The following CDH10 variants were observed in gnomAD, a reference collection of about 807,000 sequenced individuals.
CDH10 encodes the protein cadherin 10.
Under a neutral mutation model 73.1 loss-of-function variants are expected in CDH10, and 30 were observed. That is an observed-to-expected ratio of 0.41 (90% confidence interval 0.31 to 0.56). The LOEUF (loss-of-function observed/expected upper bound fraction) is 0.56. Ranked by LOEUF, CDH10 falls within the 20% of genes least tolerant of loss-of-function variation. The probability of loss-of-function intolerance (pLI) is 0.27; values close to 1 mark genes in which losing one functional copy is unlikely to be tolerated. For synonymous variants in CDH10, 345 were observed against 348.2 expected (o/e 0.99, Z 0.10); for missense variants, 815 against 973.7 (o/e 0.84, Z 2.17).
At chr5:24,599,843 T>G (rs1307040570) in intron 1 of CDH10, among the ~76,000 whole-genome samples, 1 of 152,080 alleles carries the variant, frequency 6.6e-6, no homozygotes, top group African/African-American at 2.4e-5. Flanking sequence ...CAGCACTAAT[T>G]TTTGACTCTA....
chr5:24,614,414 T>C (rs763812877), intron 1 of CDH10, among the ~76,000 whole-genome samples: 1 of 152,206 alleles, frequency 6.6e-6, no homozygotes, highest in Non-Finnish European at 1.5e-5. Flanking sequence ...TCCCTCCTGA[T>C]CCAATGTTAC....
In CDH10 at chr5:24,491,573, T is replaced by C; in HGVS notation, c.1876+3A>G. 1 of 1,608,324 alleles carries C rather than the reference T, an allele frequency of 6.2e-7. No individual in the cohort carries two copies. Among genetic ancestry groups the C allele is most frequent in the Non-Finnish European group, 8.5e-7 (1 of 1,176,244 alleles). ...TGCTCCCATTGTTTTTAAGGTTTCTTACCCAGTAGAATGATGATGCAGAGG... is the reference window on the plus strand; with the variant it reads ...TGCTCCCATTGTTTTTAAGGTTTCTCACCCAGTAGAATGATGATGCAGAGG... On this transcript the variant is annotated splice_donor_region_variant and intron_variant, in intron 11 of 11. Coordinates refer to ENST00000264463, the MANE Select transcript of CDH10 (RefSeq NM_006727.5).
intron 2 of CDH10, among the ~76,000 whole-genome samples, chr5:24,577,064 G>A (rs112227569): frequency 0.013 from 1,136 of 90,512 alleles, 21 homozygotes; most frequent in African/African-American, 0.042. Context: ...ACACCTCAAC[G>A]TCAAAGTTAT....
intron 1 of CDH10, among the ~76,000 whole-genome samples, chr5:24,619,378 A>G (rs188838732): frequency 6.6e-6 from 1 of 152,074 alleles, no homozygotes; most frequent in South Asian, 2.1e-4. Flanking sequence ...TATTTTTAGT[A>G]GAGACGAGGT....
At chr5:24,642,873 A>T (rs927007667) in intron 1 of CDH10, among the ~76,000 whole-genome samples, 3 of 151,820 alleles carry the variant, frequency 2.0e-5, no homozygotes, top group Admixed American at 2.0e-4. Context: ...GGGAAGGCGT[A>T]TGCATTCACC....
At chr5:24,600,262 A>G (rs1282338913) in intron 1 of CDH10, among the ~76,000 whole-genome samples, 1 of 152,200 alleles carries the variant, frequency 6.6e-6, no homozygotes, top group African/African-American at 2.4e-5. Flanking sequence ...AATACAGTGA[A>G]CACCTCAGTG....
intron 2 of CDH10, among the ~76,000 whole-genome samples, chr5:24,549,538 C>T (rs1041413089): frequency 6.9e-6 from 1 of 145,364 alleles, no homozygotes; most frequent in Non-Finnish European, 1.5e-5. Context: ...GAAGCCAATA[C>T]ACAATGGAAT....
At chr5:24,559,157 A>C (rs1744870002) in intron 2 of CDH10, among the ~76,000 whole-genome samples, 1 of 151,882 alleles carries the variant, frequency 6.6e-6, no homozygotes, top group Admixed American at 6.6e-5. Flanking sequence ...AATAGGTATT[A>C]TAGGAATTAT....
chr5:24,581,061 G>T (rs1215962553), intron 2 of CDH10, among the ~76,000 whole-genome samples: 4 of 152,146 alleles, frequency 2.6e-5, no homozygotes, highest in Non-Finnish European at 5.9e-5. Context: ...GACATTTGAA[G>T]TGACATGCTC....
At position 24,553,566 on chromosome 5, in the gene CDH10, A is replaced by C. The variant is rs561906002; in HGVS notation, c.232-15892T>G. 2.0e-5 allele frequency among the ~76,000 whole-genome samples: 3 copies of C among 152,006 alleles called. No homozygotes were observed. The South Asian group carries it at 6.2e-4, about 32-fold the overall frequency. ...CTCCAAGCCCTCTATTGAAATTTTT[A>C]TGATTTGTACAAAATTTTAATTTCC... On this transcript the variant is annotated intron_variant, in intron 2 of 11. Transcript: ENST00000264463.
intron 2 of CDH10, among the ~76,000 whole-genome samples, chr5:24,587,348 T>G (rs898933770): frequency 6.6e-6 from 1 of 152,210 alleles, no homozygotes; most frequent in Non-Finnish European, 1.5e-5. Flanking sequence ...TTTCATTTAC[T>G]TTATAGAAAA....
intron 2 of CDH10, among the ~76,000 whole-genome samples, chr5:24,587,001 T>C (rs1013244714): frequency 4.6e-5 from 7 of 151,510 alleles, no homozygotes; most frequent in South Asian, 4.2e-4. Flanking sequence ...CCCGCCACCG[T>C]GCCCGGCTAA....
intron 2 of CDH10, among the ~76,000 whole-genome samples, chr5:24,590,586 T>C (rs1239266618): frequency 6.6e-6 from 1 of 152,052 alleles, no homozygotes; most frequent in Non-Finnish European, 1.5e-5. Flanking sequence ...TTTAACCCAA[T>C]GAGCAGTAAT....
chr5:24,570,830 A>T (rs1425980830), intron 2 of CDH10, among the ~76,000 whole-genome samples: 1 of 152,032 alleles, frequency 6.6e-6, no homozygotes, highest in Non-Finnish European at 1.5e-5. Context: ...CATAGAAATA[A>T]GCTCGTTTTG....
chr5:24,539,033 G>C (rs1744061413), intron 2 of CDH10, among the ~76,000 whole-genome samples: 1 of 151,942 alleles, frequency 6.6e-6, no homozygotes, highest in Admixed American at 6.6e-5. Flanking sequence ...TAAAACTGTA[G>C]ATCTTAATTT....
chr5:24,517,158 A>G (rs74341271), intron 5 of CDH10, among the ~76,000 whole-genome samples: 1,667 of 152,254 alleles, frequency 0.011, 37 homozygotes, highest in African/African-American at 0.038. Flanking sequence ...GAATAAAATG[A>G]AAGTATTTAC....
intron 2 of CDH10, among the ~76,000 whole-genome samples, chr5:24,555,124 T>C (rs1357966895): frequency 6.6e-6 from 1 of 152,176 alleles, no homozygotes; most frequent in Admixed American, 6.6e-5. Flanking sequence ...TATGATTTAA[T>C]TTTTCTAATG....
intron 2 of CDH10, among the ~76,000 whole-genome samples, chr5:24,567,848 A>C (rs76984922): frequency 0.013 from 1,915 of 152,228 alleles, 44 homozygotes; most frequent in African/African-American, 0.044. Flanking sequence ...TTAAATAAGC[A>C]AATAAGTAGT....
chr5:24,633,147 C>A (rs2112201387), intron 1 of CDH10, among the ~76,000 whole-genome samples: 1 of 151,638 alleles, frequency 6.6e-6, no homozygotes, highest in South Asian at 2.1e-4. Flanking sequence ...ACCACATAAG[C>A]AATCAATGAC....
Sources: allele counts gnomAD v4.1 joint callset (sites outside exome capture counted in the v4.1 genomes callset), GRCh38; gene constraint gnomAD v4.1.1; transcripts MANE v1.5; gene names NCBI Gene and HGNC (gene_info 2026-07-23, HGNC 2026-07-21).